FCHO2: variants seen among roughly 807,000 people sequenced by gnomAD.
FCHO2 encodes the protein FCH and mu domain containing endocytic adaptor 2.
FCHO2 carries 43 observed loss-of-function variants against 114.1 expected under a neutral mutation model. The ratio of observed to expected loss-of-function variants is 0.38; its 90% confidence interval spans 0.30 to 0.49. The LOEUF (loss-of-function observed/expected upper bound fraction) is 0.49. Among genes scored for constraint, FCHO2 ranks in the 20% least tolerant of loss-of-function variants. The pLI is 0.97. For missense variants in FCHO2, 807 were observed against 950.4 expected, an observed-to-expected ratio of 0.85 and a Z score of 1.98; for synonymous variants, 293 against 315.2, an observed-to-expected ratio of 0.93 and a Z score of 0.75.
chr5:73,072,794 A>G (rs1415629445), intron 19 of FCHO2, among the ~76,000 whole-genome samples: 3 of 152,008 alleles, frequency 2.0e-5, no homozygotes, highest in Non-Finnish European at 2.9e-5. Context: ...GAACAGAGTT[A>G]TGGAGATGGA....
intron 6 of FCHO2, among the ~76,000 whole-genome samples, chr5:73,007,633 G>T (rs986365666): frequency 6.6e-6 from 1 of 152,170 alleles, no homozygotes; most frequent in African/African-American, 2.4e-5. Context: ...TTGTGTGCAT[G>T]TATGTGCATA....
chr5:72,959,647 C>G (rs901534284), intron 1 of FCHO2, among the ~76,000 whole-genome samples: 6 of 152,144 alleles, frequency 3.9e-5, no homozygotes, highest in African/African-American at 1.4e-4. Context: ...TTCAAAACAT[C>G]GTGCTCTATA....
At chr5:73,020,710 T>G in intron 8 of FCHO2, 1 of 1,209,922 alleles carries the variant, frequency 8.3e-7, no homozygotes, top group Non-Finnish European at 1.2e-6. Flanking sequence ...GTGAAGAAAT[T>G]GGATGCTCAT....
At chr5:73,072,686 A>G (rs565881542) in intron 19 of FCHO2, among the ~76,000 whole-genome samples, 1 of 152,214 alleles carries the variant, frequency 6.6e-6, no homozygotes, top group East Asian at 1.9e-4. Context: ...AGAGTAGTCA[A>G]ACTCATAGAG....
At chr5:73,069,554 T>A (rs1242206843) in intron 19 of FCHO2, among the ~76,000 whole-genome samples, 1 of 152,006 alleles carries the variant, frequency 6.6e-6, no homozygotes, top group Non-Finnish European at 1.5e-5. Context: ...TTCTCGCTCC[T>A]ATGAGAGTCT....
At chr5:72,970,353 G>C (rs1236309712) in intron 2 of FCHO2, among the ~76,000 whole-genome samples, 1 of 152,112 alleles carries the variant, frequency 6.6e-6, no homozygotes, top group African/African-American at 2.4e-5. Flanking sequence ...ATGAATTACA[G>C]GCTGCTCCTT....
At chr5:73,069,943 G>A (rs145601162) in intron 19 of FCHO2, among the ~76,000 whole-genome samples, 28 of 152,202 alleles carry the variant, frequency 1.8e-4, no homozygotes, top group Admixed American at 9.8e-4. Flanking sequence ...ATAACTGTAC[G>A]TATTGCTGCT....
chr5:72,956,229 G>C, intron 1 of FCHO2, 100 bp downstream of exon 1: 3 of 1,461,146 alleles, frequency 2.1e-6, no homozygotes, highest in Non-Finnish European at 1.8e-6. Context: ...CGGCCCCTCC[G>C]GCAGGGCGAG....
chr5:72,965,994 A>G (rs1194897630), intron 1 of FCHO2, among the ~76,000 whole-genome samples: 2 of 152,174 alleles, frequency 1.3e-5, no homozygotes, highest in Non-Finnish European at 2.9e-5. Context: ...AAAAAAAGGA[A>G]ACTTGGTAAA....
chr5:72,957,447 G>T (rs1485706397), intron 1 of FCHO2, among the ~76,000 whole-genome samples: 1 of 152,106 alleles, frequency 6.6e-6, no homozygotes, highest in Admixed American at 6.6e-5. Context: ...GTCTAGTCTG[G>T]ACATATCCTA....
chr5:72,957,238 G>T (rs966074466), intron 1 of FCHO2, among the ~76,000 whole-genome samples: 2 of 143,248 alleles, frequency 1.4e-5, no homozygotes, highest in African/African-American at 5.1e-5. Flanking sequence ...TCACATTTCC[G>T]TACCAATACA....
chr5:73,037,444 C>A (rs1756575309), intron 10 of FCHO2, among the ~76,000 whole-genome samples: 1 of 151,714 alleles, frequency 6.6e-6, no homozygotes, highest in Non-Finnish European at 1.5e-5. Context: ...TAGACAAAAG[C>A]TTTAATGTCT....
At chr5:72,963,127 A>G (rs1180394984) in intron 1 of FCHO2, among the ~76,000 whole-genome samples, 2 of 152,194 alleles carry the variant, frequency 1.3e-5, no homozygotes, top group African/African-American at 4.8e-5. Context: ...GGAGATAGTC[A>G]TGCTCCCTGA....
At chr5:73,020,772 T>TATGG (rs1344319905) in intron 8 of FCHO2, 8 of 1,027,436 alleles carry the variant, frequency 7.8e-6, no homozygotes, top group African/African-American at 1.6e-5. Flanking sequence ...CTGTGAGAGA[T>TATGG]ATGGCACTGT....
intron 5 of FCHO2, among the ~76,000 whole-genome samples, chr5:72,995,290 CTG>C (rs1263974443): frequency 6.6e-6 from 1 of 150,738 alleles, no homozygotes; most frequent in Non-Finnish European, 1.5e-5. Context: ...GAGTCTCACT[CTG>C]TTACCCAGGC....
chr5:73,079,310 G>A (rs748769977), intron 22 of FCHO2, among the ~76,000 whole-genome samples: 17 of 152,230 alleles, frequency 1.1e-4, no homozygotes, highest in South Asian at 1.0e-3. Context: ...TAGCTTTAAT[G>A]GGAAAGCTTA....
intron 2 of FCHO2, among the ~76,000 whole-genome samples, chr5:72,974,835 C>T (rs1023511055): frequency 6.6e-6 from 1 of 152,268 alleles, no homozygotes; most frequent in Middle Eastern, 3.4e-3. Flanking sequence ...TTTGCAGCGG[C>T]TGGTACTGGT....
intron 10 of FCHO2, among the ~76,000 whole-genome samples, chr5:73,037,541 A>AT (rs757584930): frequency 2.6e-5 from 4 of 152,154 alleles, no homozygotes; most frequent in Non-Finnish European, 5.9e-5. Context: ...AAAACTAAAA[A>AT]TTCATCAAAG....
chr5:73,070,517 C>CAGTA (rs1032586832), intron 19 of FCHO2, among the ~76,000 whole-genome samples: 1 of 149,432 alleles, frequency 6.7e-6, no homozygotes, highest in Non-Finnish European at 1.5e-5. Flanking sequence ...TAACTGGGAC[C>CAGTA]TACTAGAAAG....
Sources: gnomAD v4.1 joint callset for allele counts (sites outside exome capture counted in the v4.1 genomes callset) on GRCh38, gnomAD v4.1.1 for gene constraint, MANE v1.5 for transcripts, NCBI Gene and HGNC (gene_info 2026-07-23, HGNC 2026-07-21) for gene names.